DMD: variants seen among roughly 807,000 people sequenced by gnomAD.
DMD encodes the protein dystrophin.
In DMD, 63 loss-of-function variants were observed where a neutral mutation model predicts 330.1. The observed-to-expected ratio is 0.19, with a 90% CI of 0.16 to 0.24. The LOEUF is 0.24. Ranked by LOEUF, DMD falls within the 10% of genes least tolerant of loss-of-function variation. The pLI, the probability that DMD is intolerant of heterozygous loss-of-function variation, is 1.00. For synonymous variants in DMD, 1,223 were observed against 959.8 expected, an observed-to-expected ratio of 1.27 and a Z score of -5.07; for missense variants, 3,344 against 2,684.1, an observed-to-expected ratio of 1.25 and a Z score of -5.43.
At chrX:32,912,471 A>G (rs1242224773) in intron 2 of DMD, among the ~76,000 whole-genome samples, 1 of 111,295 alleles carries the variant, frequency 9.0e-6, no homozygotes, top group Admixed American at 9.6e-5. Context: ...TCCTACATGT[A>G]TACAAGGAAC....
chrX:32,827,671 T>C (rs1216743358), intron 4 of DMD, among the ~76,000 whole-genome samples: 1 of 106,876 alleles, frequency 9.4e-6, no homozygotes, highest in Non-Finnish European at 1.9e-5. Flanking sequence ...TTTTTTTTTT[T>C]TTTTTTGAGG....
intron 34 of DMD, among the ~76,000 whole-genome samples, chrX:32,379,110 G>C (rs1386897793): frequency 5.5e-5 from 6 of 109,118 alleles, no homozygotes; most frequent in Admixed American, 3.0e-4. Context: ...AGAGATTTTA[G>C]AGTATGTCAT....
At chrX:32,274,253 T>C (rs955971820) in intron 43 of DMD, among the ~76,000 whole-genome samples, 2 of 111,784 alleles carry the variant, frequency 1.8e-5, no homozygotes, top group Non-Finnish European at 3.8e-5. Flanking sequence ...AAGAATCATC[T>C]ATGGTGAGGA....
intron 55 of DMD, among the ~76,000 whole-genome samples, chrX:31,574,498 A>G (rs1289329650): frequency 9.0e-6 from 1 of 111,413 alleles, no homozygotes; most frequent in African/African-American, 3.3e-5. Flanking sequence ...TGGAATTTAG[A>G]ATTCTGAAGT....
At chrX:31,248,737 T>C (rs2049062414) in intron 63 of DMD, among the ~76,000 whole-genome samples, 1 of 111,934 alleles carries the variant, frequency 8.9e-6, no homozygotes, top group Non-Finnish European at 1.9e-5. Context: ...TAGGAGTCAC[T>C]GGCAGAAGCC....
intron 50 of DMD, among the ~76,000 whole-genome samples, chrX:31,796,384 T>C (rs766399557): frequency 8.0e-5 from 9 of 112,711 alleles, no homozygotes; most frequent in African/African-American, 2.9e-4. Context: ...AACTTCCTGA[T>C]TTTTAACATG....
At chrX:32,802,864 T>C (rs2076679051) in intron 7 of DMD, among the ~76,000 whole-genome samples, 1 of 111,879 alleles carries the variant, frequency 8.9e-6, no homozygotes, top group African/African-American at 3.3e-5. Context: ...TGCTGCTGGA[T>C]TCGGTTTGCC....
In DMD at chrX:32,093,522, T is replaced by C. The variant is rs181724130; in HGVS notation, c.6438+123394A>G. ...TTATTAAAATATGTTAATTATTTTG[T>C]CGAAAAACTAAAAATTTAAAAAGCA... On this transcript the variant is annotated intron_variant, in intron 44 of 78. Coordinates refer to ENST00000357033, the MANE Select transcript of DMD (RefSeq NM_004006.3). 8.0e-5 allele frequency among the ~76,000 whole-genome samples: 9 copies of C among 112,115 alleles called. No individual in the cohort carries two copies. The East Asian group carries it at 2.5e-3, about 31-fold the overall frequency.
In DMD at chrX:32,699,105, A is replaced by C; in HGVS notation, c.831+7T>G. On this transcript the variant is annotated splice_region_variant and intron_variant, in intron 8 of 78. Transcript: ENST00000357033. ...CTTGAATAGTAGCTGTCCTTTACAC[A>C]CTTTACCTGTTGAGAATAGTGCATT... 1 of 1,205,137 alleles carries C rather than the reference A, an allele frequency of 8.3e-7. No individual in the cohort carries two copies. The highest frequency in any genetic ancestry group is 1.7e-5 in the African/African-American group (1 of 57,633).
At chrX:31,500,210 G>C (rs2070301754) in intron 56 of DMD, among the ~76,000 whole-genome samples, 1 of 111,899 alleles carries the variant, frequency 8.9e-6, no homozygotes, top group African/African-American at 3.2e-5. Context: ...CTAAAGCTCT[G>C]GGTCTCAAAC....
chrX:31,512,549 A>T (rs1429389971), intron 55 of DMD, among the ~76,000 whole-genome samples: 1 of 104,605 alleles, frequency 9.6e-6, no homozygotes, highest in Admixed American at 1.0e-4. Context: ...AGCTTTCTAC[A>T]TATGGCTAGC....
At chrX:32,543,351 A>G (rs10522005) in intron 17 of DMD, among the ~76,000 whole-genome samples, 25,354 of 108,885 alleles carry the variant, frequency 0.23, 5,477 homozygotes, top group African/African-American at 0.67. Context: ...TTTCCAACAC[A>G]ATCCATTCTC....
At chrX:31,501,642 TA>T (rs2070422489) in intron 56 of DMD, among the ~76,000 whole-genome samples, 1 of 112,073 alleles carries the variant, frequency 8.9e-6, no homozygotes, top group Non-Finnish European at 1.9e-5. Flanking sequence ...TAGGGGCTGA[TA>T]AAGTGATTGT....
chrX:32,820,009 T>A (rs1030439881), intron 5 of DMD, among the ~76,000 whole-genome samples: 2 of 111,585 alleles, frequency 1.8e-5, no homozygotes, highest in African/African-American at 6.5e-5. Context: ...GAGTCTACAG[T>A]CTTGCAGTCT....
At chrX:31,951,588 T>C (rs942201795) in intron 45 of DMD, among the ~76,000 whole-genome samples, 3 of 110,944 alleles carry the variant, frequency 2.7e-5, no homozygotes, top group African/African-American at 9.8e-5. Context: ...TAATTGATCA[T>C]AATTTACTTA....
At chrX:32,330,165 ATTATG>A (rs1344321088) in intron 41 of DMD, among the ~76,000 whole-genome samples, 7 of 112,307 alleles carry the variant, frequency 6.2e-5, no homozygotes, top group African/African-American at 9.7e-5. Flanking sequence ...TTTAAGCAAA[ATTATG>A]TTATAACATC....
intron 2 of DMD, among the ~76,000 whole-genome samples, chrX:32,942,189 T>C (rs2090470326): frequency 8.9e-6 from 1 of 111,882 alleles, no homozygotes. Context: ...AAAGACTCAA[T>C]AGACTTAGGA....
At chrX:31,815,871 G>C (rs1418442850) in intron 50 of DMD, among the ~76,000 whole-genome samples, 2 of 111,574 alleles carry the variant, frequency 1.8e-5, no homozygotes, top group Non-Finnish European at 3.8e-5. Context: ...CCCTCTCTTG[G>C]AAAACTGCCC....
At chrX:32,713,157 TTTC>T (rs1287833450) in intron 7 of DMD, among the ~76,000 whole-genome samples, 1 of 112,241 alleles carries the variant, frequency 8.9e-6, no homozygotes, top group Non-Finnish European at 1.9e-5. Flanking sequence ...TTGAAAATAA[TTTC>T]TTAACTGTAC....
Sources: gnomAD v4.1 joint callset for allele counts (sites outside exome capture counted in the v4.1 genomes callset) on GRCh38, gnomAD v4.1.1 for gene constraint, MANE v1.5 for transcripts, NCBI Gene and HGNC (gene_info 2026-07-23, HGNC 2026-07-21) for gene names.